RBMS3: variants seen among roughly 807,000 people sequenced by gnomAD.
RBMS3 encodes the protein RNA-binding motif, single-stranded-interacting protein 3.
A neutral mutation model predicts 66.8 loss-of-function variants in RBMS3; 27 were observed. The ratio of observed to expected loss-of-function variants is 0.40; its 90% CI spans 0.30 to 0.56. The LOEUF (loss-of-function observed/expected upper bound fraction) is 0.56. RBMS3 is among the 20% of genes least tolerant of loss of function. The pLI is 0.40. For missense variants in RBMS3, 513 were observed against 549.5 expected (o/e 0.93, Z 0.66); for synonymous variants, 188 against 183.0 (o/e 1.03, Z -0.22).
At chr3:29,712,210 AAGGGATACTCAGAT>A (rs1458938004) in intron 4 of RBMS3, among the ~76,000 whole-genome samples, 4 of 152,200 alleles carry the variant, frequency 2.6e-5, no homozygotes. Flanking sequence ...TGACTGGGTT[AAGGGATACTCAGAT>A]AGCTAGTAAA....
At chr3:29,906,520 G>A (rs1435072418) in intron 10 of RBMS3, among the ~76,000 whole-genome samples, 1 of 152,090 alleles carries the variant, frequency 6.6e-6, no homozygotes, top group Non-Finnish European at 1.5e-5. Flanking sequence ...TATTTCTAAT[G>A]TGTAAGTTTT....
chr3:29,607,462 A>G (rs2048351454), intron 4 of RBMS3, among the ~76,000 whole-genome samples: 1 of 151,900 alleles, frequency 6.6e-6, no homozygotes, highest in African/African-American at 2.4e-5. Flanking sequence ...TTTTATAAGG[A>G]TATTATTCCC....
At chr3:29,604,502 A>G (rs1190727388) in intron 4 of RBMS3, among the ~76,000 whole-genome samples, 1 of 152,086 alleles carries the variant, frequency 6.6e-6, no homozygotes, top group East Asian at 1.9e-4. Context: ...AGAGTTCTGC[A>G]CATGGTGGGC....
chr3:29,284,104 T>C (rs911474101), intron 1 of RBMS3, among the ~76,000 whole-genome samples: 7 of 152,152 alleles, frequency 4.6e-5, no homozygotes, highest in African/African-American at 1.7e-4. Context: ...ATGAAGTACA[T>C]GCTGCTTATA....
chr3:29,885,068 T>C (rs536470993), intron 8 of RBMS3, among the ~76,000 whole-genome samples: 4 of 152,040 alleles, frequency 2.6e-5, no homozygotes, highest in Admixed American at 1.3e-4. Flanking sequence ...TTTAAATAAT[T>C]ACCTCTTATT....
At chr3:29,998,697 AAAACTGGCTAGCCATATGTAGAAAGCTG>A (rs1699416034) in intron 14 of RBMS3, among the ~76,000 whole-genome samples, 1 of 152,208 alleles carries the variant, frequency 6.6e-6, no homozygotes, top group Non-Finnish European at 1.5e-5. Context: ...TGGTGCTGGG[AAAACTGGCTAGCCATATGTAGAAAGCTG>A]AAACTGGATC....
intron 9 of RBMS3, among the ~76,000 whole-genome samples, 159 bp downstream of exon 9, chr3:29,897,634 T>C (rs775953185): frequency 7.9e-5 from 12 of 151,650 alleles, no homozygotes; most frequent in Non-Finnish European, 1.8e-4. Context: ...GCCTATACTT[T>C]CAAGAGCCTG....
intron 12 of RBMS3, among the ~76,000 whole-genome samples, chr3:29,970,066 C>T (rs9833064): frequency 0.19 from 29,187 of 151,988 alleles, 4,769 homozygotes; most frequent in African/African-American, 0.43. Flanking sequence ...CGTTTATATC[C>T]ACCACTTTAA....
At chr3:29,300,753 A>C (rs1469185063) in intron 1 of RBMS3, among the ~76,000 whole-genome samples, 11 of 152,008 alleles carry the variant, frequency 7.2e-5, no homozygotes, top group African/African-American at 2.7e-4. Context: ...TTTCCAAAAA[A>C]TGATAAGAAA....
chr3:29,435,088 AT>A (rs1278574703), intron 2 of RBMS3, 173 bp downstream of exon 2: 6 of 735,356 alleles, frequency 8.2e-6, no homozygotes, highest in Non-Finnish European at 1.3e-5. Flanking sequence ...GGGGAGTGGA[AT>A]TGGTTTACTT....
chr3:29,806,339 C>T (rs891869842), intron 6 of RBMS3, among the ~76,000 whole-genome samples: 8 of 151,956 alleles, frequency 5.3e-5, no homozygotes, highest in Non-Finnish European at 8.8e-5. Context: ...GCTATGAGCT[C>T]TCCCCTTGAT....
At chr3:29,613,600 A>G (rs549487506) in intron 4 of RBMS3, among the ~76,000 whole-genome samples, 36 of 152,298 alleles carry the variant, frequency 2.4e-4, no homozygotes, top group African/African-American at 7.9e-4. Flanking sequence ...TCAGCAAAGG[A>G]GTGTCACTCA....
At chr3:29,910,779 A>G (rs555447975) in intron 10 of RBMS3, among the ~76,000 whole-genome samples, 30 of 151,856 alleles carry the variant, frequency 2.0e-4, no homozygotes, top group African/African-American at 7.2e-4. Context: ...ACGTATATGT[A>G]TATAATTTTC....
intron 5 of RBMS3, 45 bp downstream of exon 5, chr3:29,739,922 C>G: frequency 7.4e-7 from 1 of 1,353,816 alleles, no homozygotes; most frequent in Non-Finnish European, 9.7e-7. Context: ...CTCATTGTTC[C>G]TTTTAAATTC....
chr3:29,657,842 C>T (rs2050379891), intron 4 of RBMS3, among the ~76,000 whole-genome samples: 1 of 152,192 alleles, frequency 6.6e-6, no homozygotes, highest in South Asian at 2.1e-4. Flanking sequence ...AATACACATT[C>T]ACCCAAACTG....
intron 1 of RBMS3, among the ~76,000 whole-genome samples, chr3:29,415,757 C>T (rs1292325351): frequency 2.0e-5 from 3 of 150,442 alleles, no homozygotes; most frequent in Non-Finnish European, 3.0e-5. Flanking sequence ...CTGGCTAAGA[C>T]TCAGTCATGA....
intron 3 of RBMS3, among the ~76,000 whole-genome samples, chr3:29,542,447 G>A (rs980763156): frequency 1.3e-5 from 2 of 151,954 alleles, no homozygotes; most frequent in Admixed American, 6.6e-5. Flanking sequence ...TGCAACCTGC[G>A]CCTCCCGGGA....
chr3:29,281,265 A>G lies in RBMS3; in HGVS notation c.-417A>G. 1 of 164,172 alleles carries G rather than the reference A, an allele frequency of 6.1e-6. No individual in the cohort carries two copies. Among genetic ancestry groups the G allele is most frequent in the Non-Finnish European group, 1.3e-5 (1 of 78,344 alleles). The allele number at this position is 164,172 out of a possible 1,614,324, so 10.2% of individuals were successfully genotyped here. On this transcript the variant is annotated 5_prime_UTR_variant, in exon 1 of 15. Transcript: ENST00000383767. ...GTGGGGAAAGAGACAACCAAGAGAC[A>G]GGAAGCTGATCTGCAAGGATTCGGA... is the stretch of plus-strand genomic sequence containing the variant.
chr3:29,824,297 G>T (rs1341462320), intron 6 of RBMS3, among the ~76,000 whole-genome samples: 1 of 152,110 alleles, frequency 6.6e-6, no homozygotes, highest in Admixed American at 6.6e-5. Context: ...TGATGACCCT[G>T]TGAGATGGTG....
Sources: gnomAD v4.1 joint callset for allele counts (sites outside exome capture counted in the v4.1 genomes callset) on GRCh38, gnomAD v4.1.1 for gene constraint, MANE v1.5 for transcripts, NCBI Gene and HGNC (gene_info 2026-07-23, HGNC 2026-07-21) for gene names.